Variants in KLHDC2 observed in about 807,000 individuals in gnomAD.
KLHDC2 encodes kelch domain containing 2, also known as kelch domain-containing protein 2.
In KLHDC2, 38 loss-of-function variants were observed where a neutral mutation model predicts 62.3. That is an observed-to-expected ratio of 0.61 (90% CI 0.47 to 0.80). The LOEUF is 0.80. Among genes scored for constraint, KLHDC2 ranks in the 30% least tolerant of loss-of-function variants. The pLI is 0.00. For synonymous variants in KLHDC2, 159 were observed against 161.0 expected (o/e 0.99, Z 0.09); for missense variants, 430 against 495.3 (o/e 0.87, Z 1.25).
rs1051642388 is a variant in KLHDC2, at chr14:49,785,876, A to G, written c.*2923A>G. The G allele has an allele frequency of 2.3e-5, 3 of 130,986 alleles. No homozygotes were observed. Among genetic ancestry groups the G allele is most frequent in the African/African-American group, 8.8e-5 (3 of 34,174 alleles). 8.1% of individuals were successfully genotyped at this position (130,986 alleles called of 1,614,324 possible). ...ACTGGGTGACACCAGCCTGGGTGAC[A>G]GAGACCCTGTCTCAAAAAAAAAAAA... is the stretch of plus-strand genomic sequence containing the variant. On this transcript the variant is annotated 3_prime_UTR_variant, in exon 13 of 13. Transcript: ENST00000298307.
At chr14:49,777,691 T>C in intron 3 of KLHDC2, 148 bp from the exon 4 acceptor site, 1 of 524,590 alleles carries the variant, frequency 1.9e-6, no homozygotes, top group Non-Finnish European at 3.4e-6. Context: ...TCATCTGGAC[T>C]CTGAGCAGTC....
rs1172676731 is a variant in KLHDC2, at chr14:49,783,966, A to ATATT, written c.*1014_*1017dup. The ATATT allele has an allele frequency of 6.6e-6, 1 of 152,158 alleles. No individual in the cohort carries two copies. The highest frequency in any genetic ancestry group is 1.5e-5 in the Non-Finnish European group (1 of 68,012). 9.4% of individuals were successfully genotyped at this position (152,158 alleles called of 1,614,324 possible). A position where few individuals can be genotyped will look rare whatever the true frequency, so the allele number is the denominator to read the frequency against. On this transcript the variant is annotated 3_prime_UTR_variant, in exon 13 of 13. Transcript: ENST00000298307. ...CTTGTAGCTGGCCTATAATATATAT[A>ATATT]TATTAGATGTTATATACAGTAGACT... is the stretch of plus-strand genomic sequence containing the variant.
chr14:49,775,106 G>A (rs1288034660), intron 3 of KLHDC2, among the ~76,000 whole-genome samples: 2 of 152,210 alleles, frequency 1.3e-5, no homozygotes, highest in Non-Finnish European at 2.9e-5. Flanking sequence ...TTCCTATAAA[G>A]TGGTGCCCAA....
At position 49,779,582 on chromosome 14, in the gene KLHDC2, G is replaced by A. The variant is rs778846348; in HGVS notation, c.634-13G>A. The A allele has an allele frequency of 6.2e-6, 10 of 1,608,364 alleles. No homozygotes were observed. The Admixed American group carries it at 1.7e-4, about 27-fold the overall frequency. Reference sequence around the variant, plus strand: ...ATAAAAAGTTCACTAACTTGCTTATGTGCCTCTAATAGGGTAAAGCACCTT... The same window carrying A: ...ATAAAAAGTTCACTAACTTGCTTATATGCCTCTAATAGGGTAAAGCACCTT... On this transcript the variant is annotated splice_polypyrimidine_tract_variant and intron_variant, in intron 6 of 12. Coordinates refer to ENST00000298307, the MANE Select transcript of KLHDC2 (RefSeq NM_014315.3).
chr14:49,775,615 C>CTTTT (rs10584257), intron 3 of KLHDC2, among the ~76,000 whole-genome samples: 12 of 87,832 alleles, frequency 1.4e-4, no homozygotes, highest in African/African-American at 5.5e-4. Flanking sequence ...AAGCAAATGT[C>CTTTT]TTTTTTTTTT....
rs1388786922 is a variant in KLHDC2, at chr14:49,778,263, AG to A, written c.549+5del. 6.3e-7 allele frequency: 1 copy of A among 1,589,014 alleles called. No homozygotes were observed. Among genetic ancestry groups the A allele is most frequent in the Non-Finnish European group, 8.6e-7 (1 of 1,159,752 alleles). On this transcript the variant is annotated splice_donor_5th_base_variant and intron_variant, in intron 5 of 12. Transcript: ENST00000298307. ...ATTCGATGAAACATCTTTTTGGGTA[AG>A]TGAAGTTTCATATTTGCATATGGCC...
At chr14:49,777,177 C>T (rs532480395) in intron 3 of KLHDC2, among the ~76,000 whole-genome samples, 4 of 152,054 alleles carry the variant, frequency 2.6e-5, no homozygotes, top group Non-Finnish European at 4.4e-5. Context: ...TGTTCTCACT[C>T]ATAAGTGGGA....
intron 2 of KLHDC2, among the ~76,000 whole-genome samples, chr14:49,774,141 G>A (rs1045733425): frequency 6.6e-6 from 1 of 152,184 alleles, no homozygotes; most frequent in African/African-American, 2.4e-5. Flanking sequence ...ACAGCTAAAA[G>A]GGGACTGAAG....
intron 2 of KLHDC2, among the ~76,000 whole-genome samples, chr14:49,773,842 C>A (rs1228161534): frequency 3.3e-5 from 5 of 152,074 alleles, no homozygotes; most frequent in Non-Finnish European, 7.4e-5. Context: ...TCCCAAAGTG[C>A]TGGGATTACA....
At chr14:49,779,057 G>A (rs941556273) in intron 6 of KLHDC2, among the ~76,000 whole-genome samples, 1 of 152,094 alleles carries the variant, frequency 6.6e-6, no homozygotes, top group African/African-American at 2.4e-5. Context: ...AAGTGTTTCA[G>A]ATTTTGGAAT....
At chr14:49,774,496 A>G (rs1388940899) in intron 2 of KLHDC2, 65 bp from the exon 3 acceptor site, 1 of 1,022,912 alleles carries the variant, frequency 9.8e-7, no homozygotes, top group East Asian at 2.4e-5. Context: ...GTAGAAGAAG[A>G]AAAATTAATA....
Position 49,780,076 on chromosome 14 carries a change from T to C in KLHDC2, c.774-137T>C, listed in dbSNP as rs1889856597. 7 of 646,762 alleles carry C rather than the reference T, an allele frequency of 1.1e-5. No homozygotes were observed. The Admixed American group carries it at 1.7e-4, about 16-fold the overall frequency. The allele number at this position is 646,762 out of a possible 1,614,324, so 40.1% of individuals were successfully genotyped here. ...AAAGAAAATATTTCAGTATAAAGCA[T>C]GTAGTTTATACCAAGAAGCCTTTTT... On this transcript the variant is annotated intron_variant, in intron 8 of 12. Transcript: ENST00000298307.
intron 12 of KLHDC2, 61 bp downstream of exon 12, chr14:49,782,655 C>A: frequency 7.0e-7 from 1 of 1,433,772 alleles, no homozygotes; most frequent in Non-Finnish European, 9.5e-7. Context: ...AGACTTAGCA[C>A]TCTCGAAAAA....
chr14:49,776,729 G>A (rs1889780895), intron 3 of KLHDC2, among the ~76,000 whole-genome samples: 1 of 151,940 alleles, frequency 6.6e-6, no homozygotes, highest in Non-Finnish European at 1.5e-5. Flanking sequence ...GACCAGCCTG[G>A]CCAACATGAC....
intron 9 of KLHDC2, 31 bp downstream of exon 9, chr14:49,780,353 C>T: frequency 8.7e-6 from 11 of 1,257,290 alleles, no homozygotes; most frequent in Non-Finnish European, 1.2e-5. Context: ...ATAATGAAAT[C>T]ATCATATATC....
At chr14:49,777,744 G>C in intron 3 of KLHDC2, 95 bp from the exon 4 acceptor site, 1 of 687,730 alleles carries the variant, frequency 1.5e-6, no homozygotes, top group East Asian at 2.7e-5. Flanking sequence ...CACTGAATTA[G>C]ATGGCACTCT....
Position 49,780,740 on chromosome 14 carries a change from G to GAAATTTAATTTATCCAT in KLHDC2, c.922_923insAATTTAATTTATCCATA (p.Ile308LysfsTer31). On this transcript the variant is annotated frameshift_variant, in exon 10 of 13. Transcript: ENST00000298307. LOFTEE classifies it high-confidence loss of function. ...CTTACTGCATCAGTAAAAATGAATG[G>GAAATTTAATTTATCCAT]ATACAATTTAATCATCCATATACCG... 1.2e-6 allele frequency: 2 copies of GAAATTTAATTTATCCAT among 1,608,330 alleles called. No homozygotes were observed.
At chr14:49,773,010 G>C (rs1469934404) in intron 2 of KLHDC2, among the ~76,000 whole-genome samples, 1 of 152,150 alleles carries the variant, frequency 6.6e-6, no homozygotes, top group East Asian at 1.9e-4. Context: ...GATTATTTCT[G>C]TATATAACAA....
At chr14:49,781,337 C>G (rs566469471) in intron 10 of KLHDC2, among the ~76,000 whole-genome samples, 3 of 142,378 alleles carry the variant, frequency 2.1e-5, no homozygotes, top group Non-Finnish European at 4.5e-5. Flanking sequence ...CCTTTGCACT[C>G]CAGCTTGGGC....
Sources: allele counts gnomAD v4.1 joint callset (sites outside exome capture counted in the v4.1 genomes callset), GRCh38; gene constraint gnomAD v4.1.1; transcripts MANE v1.5; gene names NCBI Gene and HGNC (gene_info 2026-07-23, HGNC 2026-07-21).